Variants in DNM3 observed in about 807,000 individuals in gnomAD.
DNM3 encodes the protein dynamin 3.
Under a neutral mutation model 101.6 loss-of-function variants are expected in DNM3, and 47 were observed. The observed-to-expected ratio is 0.46, with a 90% CI of 0.37 to 0.59. DNM3 has a LOEUF of 0.59. DNM3 is among the 20% of genes least tolerant of loss of function. The probability of loss-of-function intolerance (pLI) is 0.00; values close to 1 mark genes in which losing one functional copy is unlikely to be tolerated. For synonymous variants in DNM3, 385 were observed against 387.9 expected (o/e 0.99, Z 0.09); for missense variants, 849 against 1,085.7 (o/e 0.78, Z 3.06).
At position 172,219,286 on chromosome 1, in the gene DNM3, C is replaced by A. The variant is rs2060816583; in HGVS notation, c.1660-34287C>A. ...CTGATGTGAGAAGATCGCTTGAACC[C>A]CGAAGGTCAAGGCTGCAGTGAGCTG... On this transcript the variant is annotated intron_variant, in intron 14 of 20. Transcript: ENST00000627582. 4.0e-5 allele frequency among the ~76,000 whole-genome samples: 6 copies of A among 150,278 alleles called. No homozygotes were observed. The South Asian group carries it at 1.3e-3, about 31-fold the overall frequency.
intron 15 of DNM3, among the ~76,000 whole-genome samples, chr1:172,290,772 G>T (rs897834220): frequency 1.3e-5 from 2 of 152,054 alleles, no homozygotes; most frequent in Admixed American, 1.3e-4. Flanking sequence ...GATATGAAAG[G>T]CCACCATACT....
At chr1:172,109,794 ATACTT>A (rs1304320254) in intron 13 of DNM3, among the ~76,000 whole-genome samples, 3 of 152,204 alleles carry the variant, frequency 2.0e-5, no homozygotes, top group Non-Finnish European at 2.9e-5. Flanking sequence ...CATCTGTTAC[ATACTT>A]TACTTTATTA....
At chr1:172,388,098 G>A (rs1299133788) in intron 19 of DNM3, among the ~76,000 whole-genome samples, 2 of 152,000 alleles carry the variant, frequency 1.3e-5, no homozygotes, top group Non-Finnish European at 1.5e-5. Flanking sequence ...GCTGGGGGTG[G>A]TGGCGCACAC....
intron 15 of DNM3, among the ~76,000 whole-genome samples, chr1:172,263,080 G>T (rs1359240950): frequency 1.3e-5 from 2 of 152,128 alleles, no homozygotes; most frequent in African/African-American, 4.8e-5. Context: ...TTCTCTTCCT[G>T]CAGTTTTGGC....
chr1:172,060,075 A>G (rs2051040792), intron 10 of DNM3, among the ~76,000 whole-genome samples: 2 of 152,032 alleles, frequency 1.3e-5, no homozygotes, highest in Non-Finnish European at 2.9e-5. Flanking sequence ...GAGCTAAATC[A>G]TGAGTGAACT....
rs764333141 is a variant in DNM3, at chr1:171,898,949, G to A, written c.162-22799G>A. Among the ~76,000 whole-genome samples, 10 of 152,146 alleles carry A rather than the reference G, an allele frequency of 6.6e-5. No homozygotes were observed. The South Asian group carries it at 1.2e-3, about 19-fold the overall frequency. ...ATGCATTTGACTTTTTACAAGAAAGGGGTGATGAGTAGTATTTGAAACTAA... is the reference window on the plus strand; with the variant it reads ...ATGCATTTGACTTTTTACAAGAAAGAGGTGATGAGTAGTATTTGAAACTAA... On this transcript the variant is annotated intron_variant, in intron 1 of 20. Coordinates refer to ENST00000627582, the MANE Select transcript of DNM3 (RefSeq NM_015569.5).
intron 16 of DNM3, among the ~76,000 whole-genome samples, chr1:172,322,159 A>G (rs924821220): frequency 8.5e-5 from 13 of 152,140 alleles, no homozygotes; most frequent in African/African-American, 2.9e-4. Flanking sequence ...TCCTGGGATC[A>G]TTACCTTTCC....
At chr1:172,194,574 T>C (rs967239078) in intron 14 of DNM3, among the ~76,000 whole-genome samples, 1 of 152,202 alleles carries the variant, frequency 6.6e-6, no homozygotes, top group African/African-American at 2.4e-5. Flanking sequence ...TTTAGGATAG[T>C]TAGCTCTTCT....
chr1:172,400,199 G>C (rs2149109658), intron 20 of DNM3, among the ~76,000 whole-genome samples: 1 of 152,154 alleles, frequency 6.6e-6, no homozygotes, highest in African/African-American at 2.4e-5. Flanking sequence ...CCAGTAGCTA[G>C]TTCTCAGCAC....
At chr1:172,142,993 T>A (rs1452447799) in intron 14 of DNM3, among the ~76,000 whole-genome samples, 2 of 152,046 alleles carry the variant, frequency 1.3e-5, no homozygotes, top group East Asian at 3.9e-4. Context: ...CTTTACTATA[T>A]CATCTAAGTG....
At chr1:172,090,840 T>G (rs1273065457) in intron 12 of DNM3, among the ~76,000 whole-genome samples, 1 of 152,194 alleles carries the variant, frequency 6.6e-6, no homozygotes, top group African/African-American at 2.4e-5. Context: ...TCCCATCACT[T>G]TAAACAGTTG....
At chr1:171,988,535 TA>T (rs529113677) in intron 3 of DNM3, among the ~76,000 whole-genome samples, 250 of 145,372 alleles carry the variant, frequency 1.7e-3, no homozygotes, top group Middle Eastern at 7.1e-3. Context: ...AACTTTCTAT[TA>T]AAAAAAAAAA....
chr1:172,054,465 G>A (rs192689148), intron 10 of DNM3, among the ~76,000 whole-genome samples: 63 of 152,232 alleles, frequency 4.1e-4, no homozygotes, highest in African/African-American at 1.3e-3. Context: ...TCATCACAGG[G>A]TGCTGAAGGT....
At chr1:171,947,558 C>T (rs2042247296) in intron 2 of DNM3, among the ~76,000 whole-genome samples, 1 of 152,098 alleles carries the variant, frequency 6.6e-6, no homozygotes, top group South Asian at 2.1e-4. Context: ...TTTTCAAGAG[C>T]TTATTAAGAA....
In DNM3 at chr1:172,220,428, C is replaced by T. The variant is rs181729974; in HGVS notation, c.1660-33145C>T. Among the ~76,000 whole-genome samples the T allele has an allele frequency of 2.2e-4, 34 of 152,106 alleles. No individual in the cohort carries two copies. In the East Asian group the frequency reaches 6.4e-3, roughly 28 times the overall value. On this transcript the variant is annotated intron_variant, in intron 14 of 20. Transcript: ENST00000627582. ...TAAAAATATGGAGAATGGGGGAAAA[C>T]TCAAAAAAGAGAGCTCAAGAATCAA...
At chr1:172,412,856 C>G (rs1255165217), downstream of DNM3, 3 of 693,428 alleles carry the variant, frequency 4.3e-6, no homozygotes, top group Non-Finnish European at 5.3e-6. Context: ...TTTTCCATTT[C>G]TGTCATTAAT....
chr1:172,184,056 G>C (rs943558457), intron 14 of DNM3, among the ~76,000 whole-genome samples: 17 of 151,798 alleles, frequency 1.1e-4, no homozygotes, highest in African/African-American at 4.1e-4. Context: ...TGGATTAGTT[G>C]CTTTATCTCA....
In DNM3 at chr1:171,921,744, T is replaced by G; in HGVS notation, c.162-4T>G. On this transcript the variant is annotated splice_region_variant and splice_polypyrimidine_tract_variant and intron_variant, in intron 1 of 20. Transcript: ENST00000627582. ...CCTTAATCTGTATTTCTTACTTTTT[T>G]TAGGGACTTTCTCCCTCGAGGGTCG... 1 of 1,579,312 alleles carries G rather than the reference T, an allele frequency of 6.3e-7. No homozygotes were observed. Among genetic ancestry groups the G allele is most frequent in the Non-Finnish European group, 8.6e-7 (1 of 1,160,610 alleles).
chr1:171,873,943 G>A (rs893706906), intron 1 of DNM3, among the ~76,000 whole-genome samples: 1 of 152,158 alleles, frequency 6.6e-6, no homozygotes, highest in Non-Finnish European at 1.5e-5. Context: ...TACAGTGAGT[G>A]GTTTCTATTT....
Sources: allele counts gnomAD v4.1 joint callset (sites outside exome capture counted in the v4.1 genomes callset), GRCh38; gene constraint gnomAD v4.1.1; transcripts MANE v1.5; gene names NCBI Gene and HGNC (gene_info 2026-07-23, HGNC 2026-07-21).